TMEM233: variants seen among roughly 807,000 people sequenced by gnomAD.
TMEM233 encodes transmembrane protein 233.
TMEM233 carries 6 observed loss-of-function variants against 11.2 expected under a neutral mutation model. The observed-to-expected ratio is 0.54, with a 90% CI of 0.29 to 1.06. The LOEUF is 1.06. Among genes scored for constraint, TMEM233 ranks in the 50% least tolerant of loss-of-function variants. The pLI is 0.08. For missense variants in TMEM233, 127 were observed against 144.7 expected (o/e 0.88, Z 0.63); for synonymous variants, 59 against 55.8 (o/e 1.06, Z -0.26).
chr12:119,646,610 C>T (rs185768750), downstream of TMEM233, among the ~76,000 whole-genome samples: 14 of 152,286 alleles, frequency 9.2e-5, no homozygotes, highest in African/African-American at 1.2e-4. Flanking sequence ...CCATCTTCAA[C>T]GGCAGCAAAG....
intron 2 of TMEM233, chr12:119,634,282 T>C (rs1954935228): frequency 1.0e-5 from 10 of 984,944 alleles, no homozygotes; most frequent in Non-Finnish European, 1.2e-5. Flanking sequence ...CCAAAACCCA[T>C]GAATCTGTGA....
At chr12:119,605,425 TTTTTTTTTTTTTTTTTTTTTGA>T (rs1566098808) in intron 1 of TMEM233, among the ~76,000 whole-genome samples, 1 of 51,968 alleles carries the variant, frequency 1.9e-5, no homozygotes. Context: ...TTTTTTTTTT[TTTTTTTTTTTTTTTTTTTTTGA>T]GACAGGGCCT....
At chr12:119,621,434 C>T (rs1439069357) in intron 1 of TMEM233, among the ~76,000 whole-genome samples, 2 of 152,154 alleles carry the variant, frequency 1.3e-5, no homozygotes, top group Admixed American at 1.3e-4. Context: ...CCTCCTGCCT[C>T]AGCCTCCCAA....
chr12:119,626,731 G>A (rs1179977375), intron 1 of TMEM233, among the ~76,000 whole-genome samples: 1 of 152,188 alleles, frequency 6.6e-6, no homozygotes, highest in Non-Finnish European at 1.5e-5. Context: ...CTTCATTTCA[G>A]CAGCAAGCAG....
At chr12:119,616,813 C>T (rs1160408563) in intron 1 of TMEM233, among the ~76,000 whole-genome samples, 4 of 152,284 alleles carry the variant, frequency 2.6e-5, no homozygotes, top group Middle Eastern at 3.4e-3. Flanking sequence ...TGGGTGAGTT[C>T]TCACAAGATC....
At chr12:119,610,804 A>G (rs1954381862) in intron 1 of TMEM233, among the ~76,000 whole-genome samples, 1 of 152,178 alleles carries the variant, frequency 6.6e-6, no homozygotes, top group African/African-American at 2.4e-5. Context: ...TAGCAGCGTG[A>G]AAATGGATTA....
chr12:119,614,244 T>C (rs1211780608), intron 1 of TMEM233, among the ~76,000 whole-genome samples: 2 of 151,986 alleles, frequency 1.3e-5, no homozygotes, highest in Non-Finnish European at 2.9e-5. Context: ...CCATCTCTAA[T>C]AAAAATACAA....
chr12:119,598,647 T>G (rs538116550), intron 1 of TMEM233, among the ~76,000 whole-genome samples: 1 of 152,312 alleles, frequency 6.6e-6, no homozygotes, highest in East Asian at 1.9e-4. Flanking sequence ...GTGCAACCCC[T>G]AGTCGAGATT....
intron 1 of TMEM233, among the ~76,000 whole-genome samples, chr12:119,604,361 GTGCATTA>G (rs1474425750): frequency 3.3e-5 from 5 of 152,136 alleles, no homozygotes; most frequent in South Asian, 2.1e-4. Flanking sequence ...GCAAACCCCT[GTGCATTA>G]TGGCTCTTTA....
At chr12:119,635,400 G>C (rs1226313585) in intron 2 of TMEM233, among the ~76,000 whole-genome samples, 2 of 152,116 alleles carry the variant, frequency 1.3e-5, no homozygotes, top group African/African-American at 4.8e-5. Context: ...ACTATCCTAG[G>C]GCTTGCATTT....
chr12:119,605,859 T>A (rs1216964578), intron 1 of TMEM233, among the ~76,000 whole-genome samples: 1 of 152,178 alleles, frequency 6.6e-6, no homozygotes, highest in Non-Finnish European at 1.5e-5. Flanking sequence ...CCTCCCTAGC[T>A]TTTGGCTCTA....
intron 2 of TMEM233, chr12:119,631,390 C>A: frequency 2.1e-6 from 1 of 485,330 alleles, no homozygotes; most frequent in Non-Finnish European, 2.7e-6. Flanking sequence ...CACTTCCTAT[C>A]AGAGAAGGCA....
chr12:119,609,929 G>T (rs964717290), intron 1 of TMEM233, among the ~76,000 whole-genome samples: 1 of 152,158 alleles, frequency 6.6e-6, no homozygotes, highest in Non-Finnish European at 1.5e-5. Context: ...ATGAGAAGAG[G>T]GCCACCATCC....
chr12:119,643,656 T>C (rs1461898387), downstream of TMEM233, among the ~76,000 whole-genome samples: 1 of 151,818 alleles, frequency 6.6e-6, no homozygotes, highest in Admixed American at 6.6e-5. Flanking sequence ...TAGTCCCAGC[T>C]ACTCGGGAGG....
At chr12:119,650,289 AC>A in the TMEM233 span, among the ~76,000 whole-genome samples, 1 of 152,218 alleles carries the variant, frequency 6.6e-6, no homozygotes, top group Non-Finnish European at 1.5e-5. Context: ...AATACCATTA[AC>A]TTCTCTTTGC....
intron 1 of TMEM233, among the ~76,000 whole-genome samples, chr12:119,619,637 T>A (rs1256705261): frequency 1.3e-5 from 2 of 148,464 alleles, no homozygotes; most frequent in Non-Finnish European, 3.0e-5. Flanking sequence ...CGAGATCCTG[T>A]CTCAAGAAAA....
At chr12:119,602,316 C>T (rs910552338) in intron 1 of TMEM233, among the ~76,000 whole-genome samples, 14 of 152,190 alleles carry the variant, frequency 9.2e-5, no homozygotes, top group African/African-American at 2.4e-4. Flanking sequence ...GAGAGCTTGA[C>T]GCTGCCCACT....
Position 119,608,036 on chromosome 12 carries a change from C to G in TMEM233, c.186+14002C>G, listed in dbSNP as rs540937786. 7.9e-5 allele frequency among the ~76,000 whole-genome samples: 12 copies of G among 152,308 alleles called. No homozygotes were observed. The East Asian group carries it at 2.3e-3, about 29-fold the overall frequency. ...TTCTAGTCTTGAAGATCATTGAGGACAGAGAAACTACAGCTTAGCACAGCT... is the reference window on the plus strand; with the variant it reads ...TTCTAGTCTTGAAGATCATTGAGGAGAGAGAAACTACAGCTTAGCACAGCT... On this transcript the variant is annotated intron_variant, in intron 1 of 2. Transcript: ENST00000426426.
the TMEM233 span, among the ~76,000 whole-genome samples, chr12:119,650,160 A>AAG: frequency 6.6e-6 from 1 of 151,430 alleles, no homozygotes; most frequent in Non-Finnish European, 1.5e-5. Context: ...TCCATCTCAA[A>AAG]AAAAAAAAAA....
Sources: allele counts gnomAD v4.1 joint callset (sites outside exome capture counted in the v4.1 genomes callset), GRCh38; gene constraint gnomAD v4.1.1; transcripts MANE v1.5; gene names NCBI Gene and HGNC (gene_info 2026-07-23, HGNC 2026-07-21).